The following TPCN2 variants were observed in gnomAD, a reference collection of about 807,000 sequenced individuals.
TPCN2 encodes the protein two pore segment channel 2.
In TPCN2, 92 loss-of-function variants were observed where a neutral mutation model predicts 111.4. That is an observed-to-expected ratio of 0.83 (90% confidence interval 0.70 to 0.98). The LOEUF (loss-of-function observed/expected upper bound fraction) is 0.98. Among genes scored for constraint, TPCN2 ranks in the 50% least tolerant of loss-of-function variants. The pLI is 0.00. For synonymous variants in TPCN2, 405 were observed against 414.5 expected (o/e 0.98, Z 0.28); for missense variants, 995 against 980.1 (o/e 1.02, Z -0.20).
chr11:69,084,617 T>C (rs993536777), intron 19 of TPCN2: 1 of 985,306 alleles, frequency 1.0e-6, no homozygotes, highest in African/African-American at 1.7e-5. Flanking sequence ...GGAGGCGCCC[T>C]TTGCAGGAAG....
At chr11:69,086,832 G>GT (rs1256749649) in intron 23 of TPCN2, among the ~76,000 whole-genome samples, 9 of 149,100 alleles carry the variant, frequency 6.0e-5, no homozygotes, top group South Asian at 2.1e-4. Flanking sequence ...CTGGGGCCTT[G>GT]GGGGGTGCTC....
chr11:69,079,956 A>C, intron 17 of TPCN2, 73 bp downstream of exon 17: 22 of 1,440,138 alleles, frequency 1.5e-5, no homozygotes, highest in Non-Finnish European at 1.9e-5. Flanking sequence ...GGAGGGTCTC[A>C]GTGGTGTCCA....
At chr11:69,067,326 G>A (rs1245308016) in intron 7 of TPCN2, among the ~76,000 whole-genome samples, 177 bp from the exon 8 acceptor site, 2 of 152,228 alleles carry the variant, frequency 1.3e-5, no homozygotes, top group South Asian at 2.1e-4. Context: ...CCACTCTTGC[G>A]CCCGGAGATC....
rs768909741 is a variant in TPCN2 at position 69,055,302 on chromosome 11, A to G, written c.379A>G (p.Ser127Gly). ...GGAGCCGCCCTGCGGCCTGACCGAG[A>G]GTGTCGAGGTGCTCTGCCTGCTGGT... The part of the protein sequence containing the change: ...PWEPPCGLTE[S>G]VEVLCLLVFA... Residue 127 changes from serine (S) to glycine (G), a missense_variant, in exon 4 of 25, where the codon AGT (serine) becomes GGT (glycine). Coordinates refer to ENST00000294309, the MANE Select transcript of TPCN2 (RefSeq NM_139075.4). The G allele has an allele frequency of 6.8e-6, 11 of 1,613,470 alleles. No homozygotes were observed. Among genetic ancestry groups the G allele is most frequent in the Non-Finnish European group, 9.3e-6 (11 of 1,179,892 alleles).
chr11:69,078,715 C>T lies in TPCN2; in HGVS notation c.1351-19C>T, dbSNP rs1590744310. ...GCTGTGCTGGGCCAGCCGGCGAGCC[C>T]TCTGTTCTGGCGTTGCAGGTGTTCC... On this transcript the variant is annotated intron_variant, in intron 14 of 24. Transcript: ENST00000294309. 6.2e-7 allele frequency: 1 copy of T among 1,613,826 alleles called. No homozygotes were observed. Among genetic ancestry groups the T allele is most frequent in the Non-Finnish European group, 8.5e-7 (1 of 1,180,032 alleles).
intron 1 of TPCN2, among the ~76,000 whole-genome samples, chr11:69,053,660 A>G (rs1861335217): frequency 6.6e-6 from 1 of 152,086 alleles, no homozygotes; most frequent in Non-Finnish European, 1.5e-5. Context: ...GGTGGCTGTA[A>G]ATAGCCCCAC....
chr11:69,079,793 G>C (rs1471231905), intron 16 of TPCN2, 41 bp from the exon 17 acceptor site: 1 of 1,594,656 alleles, frequency 6.3e-7, no homozygotes, highest in Non-Finnish European at 8.6e-7. Flanking sequence ...GCCCAGATTA[G>C]TGTTGCTGTA....
Position 69,079,898 on chromosome 11 carries a change from A to G in TPCN2, c.1589+15A>G. 2.2e-5 allele frequency: 35 copies of G among 1,613,296 alleles called. No homozygotes were observed. The highest frequency in any genetic ancestry group is 3.0e-5 in the Non-Finnish European group (35 of 1,179,686). On this transcript the variant is annotated intron_variant, in intron 17 of 24. Coordinates refer to ENST00000294309, the MANE Select transcript of TPCN2 (RefSeq NM_139075.4). The stretch of plus-strand genomic sequence containing the variant: ...CACCCAGGCTGGTATGTGACTGGGC[A>G]GAACCGAGGGCGGCTACAGCAAACA...
chr11:69,087,824 G>T (rs551931276), intron 24 of TPCN2, 51 bp from the exon 25 acceptor site: 3 of 1,506,152 alleles, frequency 2.0e-6, no homozygotes, highest in Non-Finnish European at 2.7e-6. Flanking sequence ...GGGCAGGCCA[G>T]GGTCTCCCTC....
At chr11:69,051,006 A>G (rs530091337) in intron 1 of TPCN2, among the ~76,000 whole-genome samples, 62 of 152,356 alleles carry the variant, frequency 4.1e-4, no homozygotes, top group African/African-American at 1.4e-3. Flanking sequence ...GTCCCCAGCA[A>G]GGACTGGCAG....
rs576653607 is a variant in TPCN2 at position 69,064,199 on chromosome 11, T to G, written c.726+232T>G. 1.3e-3 allele frequency among the ~76,000 whole-genome samples: 193 copies of G among 152,134 alleles called. 1 individual carries two copies. The highest frequency in any genetic ancestry group is 2.4e-3 in the Non-Finnish European group (165 of 67,970). The stretch of plus-strand genomic sequence containing the variant: ...GGTCTCCTGGGCTCAGGGCCACTTG[T>G]CCTTTGTCCTGGCTGTCCGCTCCCA... On this transcript the variant is annotated intron_variant, in intron 7 of 24. Transcript: ENST00000294309.
At chr11:69,079,242 T>TG (rs1242535510) in intron 16 of TPCN2, 17 of 586,278 alleles carry the variant, frequency 2.9e-5, no homozygotes, top group Non-Finnish European at 3.7e-5. Flanking sequence ...CCGAGTGTCA[T>TG]GGGGGGCAGG....
Position 69,071,384 on chromosome 11 carries a change from A to G in TPCN2, c.924A>G (p.Thr308=). ...IGSLFLMNLL[T]AIIYSQFRGY... is the part of the protein sequence containing the mutation. ...GCCTGTTTCTGATGAACCTGCTGACAGCCATCATCTACAGTCAGTTCCGGG... is the reference window on the plus strand; with the variant it reads ...GCCTGTTTCTGATGAACCTGCTGACGGCCATCATCTACAGTCAGTTCCGGG... Residue 308 remains threonine (T), a synonymous_variant, in exon 10 of 25, where the codon ACA becomes ACG. Coordinates refer to ENST00000294309, the MANE Select transcript of TPCN2 (RefSeq NM_139075.4). 3.1e-6 allele frequency: 5 copies of G among 1,613,952 alleles called. No individual in the cohort carries two copies. The highest frequency in any genetic ancestry group is 4.2e-6 in the Non-Finnish European group (5 of 1,179,948).
chr11:69,081,441 C>A lies in TPCN2; in HGVS notation c.1631C>A (p.Thr544Asn). ...MVGLLSLWDMTRMLNMLIVFR... is the reference protein window; with the variant it reads ...MVGLLSLWDMNRMLNMLIVFR... ...GGCCTGCTGTCGCTGTGGGACATGA[C>A]CCGCATGCTGAACATGCTCATCGTG... The change falls in exon 18 of 25, where the codon ACC becomes AAC. Residue 544 changes from threonine to asparagine, a missense_variant. By Grantham distance (65) the Thr-to-Asn change is moderately conservative (BLOSUM62 0). Transcript: ENST00000294309. The A allele has an allele frequency of 6.4e-7, 1 of 1,573,638 alleles. No homozygotes were observed. Among genetic ancestry groups the A allele is most frequent in the Non-Finnish European group, 8.6e-7 (1 of 1,159,572 alleles).
intron 5 of TPCN2, among the ~76,000 whole-genome samples, chr11:69,060,736 C>G (rs1854984573): frequency 6.6e-6 from 1 of 152,154 alleles, no homozygotes; most frequent in African/African-American, 2.4e-5. Flanking sequence ...GGTGAGGGTG[C>G]AAGTTCCTGG....
chr11:69,076,025 G>A (rs571292805), intron 13 of TPCN2, among the ~76,000 whole-genome samples: 18 of 152,300 alleles, frequency 1.2e-4, no homozygotes, highest in African/African-American at 2.6e-4. Flanking sequence ...CAAGGTGTCC[G>A]TCTGGGTTAA....
At position 69,089,600 on chromosome 11, in the gene TPCN2, C is replaced by T. The variant is rs936804435; in HGVS notation, c.*1647C>T. 4 of 152,314 alleles carry T rather than the reference C, an allele frequency of 2.6e-5. No individual in the cohort carries two copies. The highest frequency in any genetic ancestry group is 1.3e-4 in the Admixed American group (2 of 15,292). The allele number at this position is 152,314 out of a possible 1,614,324, so 9.4% of individuals were successfully genotyped here. A position where few individuals can be genotyped will look rare whatever the true frequency, so the allele number is the denominator to read the frequency against. On this transcript the variant is annotated 3_prime_UTR_variant, in exon 25 of 25. Transcript: ENST00000294309. ...AGGAGTGTCACAGGATGGACACTGCCTCCTGGCAGGGGCTGCCCAATGCAG... is the reference window on the plus strand; with the variant it reads ...AGGAGTGTCACAGGATGGACACTGCTTCCTGGCAGGGGCTGCCCAATGCAG...
At position 69,078,529 on chromosome 11, in the gene TPCN2, G is replaced by A. The variant is rs1334143534; in HGVS notation, c.1278G>A (p.Gln426=). ...EYQSPFLQSA[Q]FLFGHYYFDY... is the part of the protein sequence containing the mutation. The stretch of plus-strand genomic sequence containing the variant: ...AGTCTCCGTTTCTGCAGAGCGCCCA[G>A]TTCCTCTTCGGCCACTACTACTTTG... The change falls in exon 14 of 25, where the codon CAG becomes CAA. Residue 426 remains glutamine, a synonymous_variant. Transcript: ENST00000294309. 1 of 1,614,034 alleles carries A rather than the reference G, an allele frequency of 6.2e-7. No homozygotes were observed. Among genetic ancestry groups the A allele is most frequent in the African/African-American group, 1.3e-5 (1 of 74,940 alleles).
At chr11:69,066,718 C>G (rs955991271) in intron 7 of TPCN2, among the ~76,000 whole-genome samples, 4 of 152,170 alleles carry the variant, frequency 2.6e-5, no homozygotes, top group African/African-American at 9.6e-5. Context: ...GCTTTGTGTG[C>G]CAAGTCCCGC....
Sources: gnomAD v4.1 joint callset for allele counts (sites outside exome capture counted in the v4.1 genomes callset) on GRCh38, gnomAD v4.1.1 for gene constraint, MANE v1.5 for transcripts, NCBI Gene and HGNC (gene_info 2026-07-23, HGNC 2026-07-21) for gene names.